Variants in VCL observed in about 807,000 individuals in gnomAD.
VCL encodes the protein epididymis luminal protein 114.
In VCL, 47 loss-of-function variants were observed where a neutral mutation model predicts 125.7. That is an observed-to-expected ratio of 0.37 (90% CI 0.30 to 0.48). VCL has a LOEUF of 0.48. VCL is among the 20% of genes least tolerant of loss of function. The pLI is 0.99. For synonymous variants in VCL, 458 were observed against 514.6 expected (o/e 0.89, Z 1.49); for missense variants, 1,069 against 1,455.5 (o/e 0.73, Z 4.32).
chr10:74,007,202 C>A (rs1840336242), intron 1 of VCL, among the ~76,000 whole-genome samples: 1 of 152,158 alleles, frequency 6.6e-6, no homozygotes. Flanking sequence ...TGTTCTTGAA[C>A]TCCTGGGCTC....
intron 1 of VCL, among the ~76,000 whole-genome samples, chr10:74,017,286 A>G (rs1291543058): frequency 6.6e-6 from 1 of 151,640 alleles, no homozygotes; most frequent in East Asian, 1.9e-4. Context: ...TGACCTCGTG[A>G]TCCGCCCGCC....
At chr10:74,019,927 G>T (rs372773441) in intron 1 of VCL, among the ~76,000 whole-genome samples, 3 of 152,018 alleles carry the variant, frequency 2.0e-5, no homozygotes, top group African/African-American at 7.3e-5. Flanking sequence ...GCCGGGCGTG[G>T]TGGCGGGCGC....
At chr10:74,121,113 A>G (rs2131949715), downstream of VCL, 1 of 152,322 alleles carries the variant, frequency 6.6e-6, no homozygotes, top group East Asian at 1.9e-4. Flanking sequence ...GACTATAAAG[A>G]CAGATTCCAG....
At chr10:74,106,699 T>G (rs1840140737) in intron 16 of VCL, among the ~76,000 whole-genome samples, 1 of 152,228 alleles carries the variant, frequency 6.6e-6, no homozygotes, top group Non-Finnish European at 1.5e-5. Flanking sequence ...AGGACATGCT[T>G]GGTTTCCTAA....
intron 1 of VCL, chr10:74,016,710 T>G (rs1318125343): frequency 6.6e-6 from 1 of 152,224 alleles, no homozygotes; most frequent in African/African-American, 2.4e-5. Flanking sequence ...TTTTAACCAT[T>G]TTTAAGTGTA....
intron 1 of VCL, among the ~76,000 whole-genome samples, chr10:74,033,078 CTAA>C (rs1459427621): frequency 4.6e-5 from 7 of 152,118 alleles, no homozygotes; most frequent in African/African-American, 1.7e-4. Flanking sequence ...ACCTTGTACA[CTAA>C]TGTTTATAGC....
In VCL at chr10:74,117,475, C is replaced by T. The variant is rs896687566; in HGVS notation, c.3259-548C>T. Among the ~76,000 whole-genome samples, 281 of 152,258 alleles carry T rather than the reference C, an allele frequency of 1.8e-3. 4 individuals are homozygous for T. The highest frequency in any genetic ancestry group is 8.4e-4 in the Non-Finnish European group (57 of 68,036). On this transcript the variant is annotated intron_variant, in intron 21 of 21. Transcript: ENST00000211998. ...TACGAGTCCAACCTGGGCAACATGG[C>T]GGAACCCCATCTGTACAAAAAATTA...
intron 10 of VCL, among the ~76,000 whole-genome samples, chr10:74,090,609 C>T (rs1191692145): frequency 6.6e-6 from 1 of 152,022 alleles, no homozygotes. Flanking sequence ...GGGGAAGAAG[C>T]GTAAGAATGT....
chr10:74,109,396 G>T (rs1840186029), intron 18 of VCL, among the ~76,000 whole-genome samples: 2 of 152,192 alleles, frequency 1.3e-5, no homozygotes, highest in Admixed American at 6.5e-5. Flanking sequence ...TTGAGAAGAG[G>T]ATTCCTGTCC....
At chr10:74,076,662 C>T (rs935234555) in intron 6 of VCL, 5 of 152,590 alleles carry the variant, frequency 3.3e-5, no homozygotes, top group African/African-American at 1.2e-4. Flanking sequence ...CATAATAATC[C>T]TAGCCTTCAA....
At chr10:74,053,246 G>A (rs1489876609) in intron 2 of VCL, among the ~76,000 whole-genome samples, 1 of 151,996 alleles carries the variant, frequency 6.6e-6, no homozygotes, top group African/African-American at 2.4e-5. Context: ...AACTCGCTCA[G>A]TTTTGTTTTA....
chr10:74,086,714 G>T (rs571495338), intron 8 of VCL, among the ~76,000 whole-genome samples: 1 of 152,212 alleles, frequency 6.6e-6, no homozygotes, highest in East Asian at 1.9e-4. Flanking sequence ...AAGAGAAAAG[G>T]CTAGAACAGT....
At chr10:74,027,979 T>C (rs941891226) in intron 1 of VCL, 1 of 152,226 alleles carries the variant, frequency 6.6e-6, no homozygotes, top group African/African-American at 2.4e-5. Flanking sequence ...AGAGATTATA[T>C]TCAGATCATC....
rs368934323 is a variant in VCL at position 73,998,395 on chromosome 10, C to A, written c.168+20C>A. The A allele has an allele frequency of 2.7e-5, 40 of 1,458,512 alleles. No homozygotes were observed. The African/African-American group carries it at 3.6e-4, about 13-fold the overall frequency. The allele number at this position is 1,458,512 out of a possible 1,614,324, so 90.3% of individuals were successfully genotyped here. A position where few individuals can be genotyped will look rare whatever the true frequency, so the allele number is the denominator to read the frequency against. On this transcript the variant is annotated intron_variant, in intron 1 of 21. Transcript: ENST00000211998. ...GTCCGGGTGAGCGCGCAGGGCCTGG[C>A]GCGGGAGCGGGCGCGGGAGGTATCC...
intron 2 of VCL, among the ~76,000 whole-genome samples, chr10:74,068,202 A>G (rs1273227227): frequency 6.6e-6 from 1 of 152,262 alleles, no homozygotes; most frequent in Admixed American, 6.5e-5. Flanking sequence ...CATACAGGGT[A>G]AAATTACATG....
intron 1 of VCL, among the ~76,000 whole-genome samples, chr10:74,012,651 G>A (rs1321251645): frequency 1.3e-5 from 2 of 152,116 alleles, no homozygotes; most frequent in Non-Finnish European, 2.9e-5. Context: ...AGACTGGTAT[G>A]GTATGAGAGG....
At chr10:74,077,043 A>C (rs1229917074) in intron 6 of VCL, 1 of 152,642 alleles carries the variant, frequency 6.6e-6, no homozygotes, top group East Asian at 1.9e-4. Context: ...ATACAAGTGA[A>C]ATAGACCTGG....
At chr10:74,077,879 A>G (rs1186099541) in intron 6 of VCL, 1 of 277,286 alleles carries the variant, frequency 3.6e-6, no homozygotes. Flanking sequence ...ATTTAAAAGT[A>G]ACTTTGACTT....
chr10:74,090,013 C>A lies in VCL; in HGVS notation c.1177-10C>A, dbSNP rs1839852311. ...ATCACAGCGTGCTGCTTCTCCGTTT[C>A]TATGTGTAGAACTGGCTTGCAGATC... On this transcript the variant is annotated splice_polypyrimidine_tract_variant and intron_variant, in intron 9 of 21. Coordinates refer to ENST00000211998, the MANE Select transcript of VCL (RefSeq NM_014000.3). 6.2e-7 allele frequency: 1 copy of A among 1,614,152 alleles called. No homozygotes were observed. The highest frequency in any genetic ancestry group is 1.7e-5 in the Admixed American group (1 of 60,020).
Sources: allele counts gnomAD v4.1 joint callset (sites outside exome capture counted in the v4.1 genomes callset), GRCh38; gene constraint gnomAD v4.1.1; transcripts MANE v1.5; gene names NCBI Gene and HGNC (gene_info 2026-07-23, HGNC 2026-07-21).